Variants in DGKB observed in about 807,000 individuals in gnomAD.
DGKB encodes 90 kDa diacylglycerol kinase.
A neutral mutation model predicts 114.3 loss-of-function variants in DGKB; 67 were observed. That is an observed-to-expected ratio of 0.59 (90% CI 0.48 to 0.72). DGKB has a LOEUF of 0.72. Among genes scored for constraint, DGKB ranks in the 30% least tolerant of loss-of-function variants. The probability of loss-of-function intolerance (pLI) is 0.00; values close to 1 mark genes in which losing one functional copy is unlikely to be tolerated. For synonymous variants in DGKB, 398 were observed against 323.1 expected (o/e 1.23, Z -2.49); for missense variants, 907 against 975.2 (o/e 0.93, Z 0.93).
Position 14,764,400 on chromosome 7 carries a change from C to T in DGKB, c.71-6669G>A, listed in dbSNP as rs114831781. ...CATTTCATAAAGTTTCCCTTAGCTA[C>T]ATAGTACTTAAAAGTAGTGAAATAG... is the stretch of plus-strand genomic sequence containing the variant. On this transcript the variant is annotated intron_variant, in intron 2 of 25. Coordinates refer to ENST00000402815, the MANE Select transcript of DGKB (RefSeq NM_001350709.2). 1.8e-3 allele frequency among the ~76,000 whole-genome samples: 273 copies of T among 152,026 alleles called. 1 individual carries two copies. In the Middle Eastern group the frequency reaches 0.027, roughly 15 times the overall value.
chr7:14,750,189 C>T (rs772609151), intron 4 of DGKB: 3 of 516,706 alleles, frequency 5.8e-6, no homozygotes, highest in Non-Finnish European at 1.2e-5. Context: ...TTTCTAGCTT[C>T]AATGCACATT....
At chr7:14,284,200 G>T (rs373864864) in intron 23 of DGKB, among the ~76,000 whole-genome samples, 64 of 145,828 alleles carry the variant, frequency 4.4e-4, no homozygotes, top group South Asian at 1.3e-3. Flanking sequence ...AGTGGGCGAA[G>T]GACATGAACA....
At chr7:14,745,599 A>G (rs1363905669) in intron 4 of DGKB, among the ~76,000 whole-genome samples, 3 of 152,154 alleles carry the variant, frequency 2.0e-5, no homozygotes, top group African/African-American at 7.2e-5. Context: ...GGCTCAGACT[A>G]AGGGCCCACA....
intron 21 of DGKB, among the ~76,000 whole-genome samples, chr7:14,418,392 T>TATATATATATAC (rs1554421158): frequency 0.019 from 2,629 of 136,786 alleles, 85 homozygotes; most frequent in African/African-American, 0.07. Context: ...TATATATATA[T>TATATATATATAC]ACACACACAC....
chr7:14,904,662 T>C (rs962060126), upstream of DGKB, among the ~76,000 whole-genome samples: 28 of 152,340 alleles, frequency 1.8e-4, no homozygotes, highest in African/African-American at 6.7e-4. Context: ...TATTTTGTTT[T>C]AAAAATCATA....
chr7:14,827,093 A>G (rs1184023253), intron 2 of DGKB, among the ~76,000 whole-genome samples: 1 of 152,126 alleles, frequency 6.6e-6, no homozygotes, highest in African/African-American at 2.4e-5. Flanking sequence ...TACAAGAAGA[A>G]AGAAGGAAGG....
At chr7:14,799,199 A>C (rs1280767277) in intron 2 of DGKB, among the ~76,000 whole-genome samples, 1 of 152,194 alleles carries the variant, frequency 6.6e-6, no homozygotes, top group East Asian at 1.9e-4. Flanking sequence ...TAGAGCTGTT[A>C]ATCTGACAAA....
intron 17 of DGKB, among the ~76,000 whole-genome samples, chr7:14,584,848 C>T (rs1212001766): frequency 1.2e-4 from 18 of 151,890 alleles, no homozygotes; most frequent in African/African-American, 3.9e-4. Context: ...TTAGTAGAGA[C>T]AGGGTTTCAC....
chr7:14,318,413 T>C lies in DGKB; in HGVS notation c.2122+20102A>G, dbSNP rs1169807796. Among the ~76,000 whole-genome samples, 443 of 151,954 alleles carry C rather than the reference T, an allele frequency of 2.9e-3. 3 individuals are homozygous for C. The highest frequency in any genetic ancestry group is 9.9e-3 in the African/African-American group (409 of 41,412). Reference sequence around the variant, plus strand: ...CTGACAAAGGGCTAATATCCAGAATTTACAATGAACTCAAACAAATTTACA... The same window carrying C: ...CTGACAAAGGGCTAATATCCAGAATCTACAATGAACTCAAACAAATTTACA... On this transcript the variant is annotated intron_variant, in intron 23 of 25. Transcript: ENST00000402815.
intron 4 of DGKB, among the ~76,000 whole-genome samples, chr7:14,749,496 T>C (rs1281255776): frequency 6.6e-6 from 1 of 152,068 alleles, no homozygotes; most frequent in Non-Finnish European, 1.5e-5. Context: ...AAATAGGAAA[T>C]GGCCGAAAGA....
intron 13 of DGKB, among the ~76,000 whole-genome samples, chr7:14,661,494 AC>A (rs1209368783): frequency 6.9e-6 from 1 of 145,742 alleles, no homozygotes; most frequent in Non-Finnish European, 1.5e-5. Context: ...GCTAATCAAA[AC>A]CACAATGAGA....
intron 4 of DGKB, among the ~76,000 whole-genome samples, chr7:14,737,283 ATTTTTTTTT>A (rs11348925): frequency 1.2e-5 from 1 of 82,502 alleles, no homozygotes; most frequent in Non-Finnish European, 2.4e-5. Flanking sequence ...TTGAAGGCCA[ATTTTTTTTT>A]TTTTTTTTTT....
Position 14,552,010 on chromosome 7 carries a change from C to A in DGKB, c.1770+22202G>T, listed in dbSNP as rs140577310. 1.8e-3 allele frequency among the ~76,000 whole-genome samples: 276 copies of A among 152,064 alleles called. 1 individual carries two copies. The highest frequency in any genetic ancestry group is 6.4e-3 in the African/African-American group (267 of 41,486). On this transcript the variant is annotated intron_variant, in intron 20 of 25. Coordinates refer to ENST00000402815, the MANE Select transcript of DGKB (RefSeq NM_001350709.2). Reference sequence around the variant, plus strand: ...CATAAGGTGGTCACTAACATATGACCTAAAAATCTTTTGTATCTCTTTTTG... The same window carrying A: ...CATAAGGTGGTCACTAACATATGACATAAAAATCTTTTGTATCTCTTTTTG...
intron 19 of DGKB, 87 bp downstream of exon 19, chr7:14,580,775 G>A (rs190719432): frequency 5.6e-6 from 5 of 896,674 alleles, no homozygotes; most frequent in South Asian, 3.7e-5. Context: ...AAATCATATC[G>A]TTTTTGTTTC....
intron 20 of DGKB, among the ~76,000 whole-genome samples, chr7:14,523,065 C>T (rs1790042942): frequency 1.3e-5 from 2 of 152,110 alleles, no homozygotes. Context: ...CAGTTCATAG[C>T]TGTTGGTTAT....
chr7:14,718,487 A>T (rs554065312), intron 6 of DGKB, 55 bp downstream of exon 6: 589 of 1,510,494 alleles, frequency 3.9e-4, no homozygotes, highest in Non-Finnish European at 4.9e-4. Context: ...ATCAATATCC[A>T]GTCCTTTCTC....
intron 1 of DGKB, among the ~76,000 whole-genome samples, chr7:14,945,652 G>A (rs1158606457): frequency 1.3e-5 from 2 of 151,540 alleles, no homozygotes; most frequent in Non-Finnish European, 3.0e-5. Flanking sequence ...CAGAACACAT[G>A]CCACTAAACA....
Position 14,600,683 on chromosome 7 carries a change from C to G in DGKB, c.1433+6751G>C, listed in dbSNP as rs73289518. 6.1e-3 allele frequency among the ~76,000 whole-genome samples: 936 copies of G among 152,272 alleles called. 7 individuals carry two copies. The highest frequency in any genetic ancestry group is 0.022 in the African/African-American group (902 of 41,556). On this transcript the variant is annotated intron_variant, in intron 17 of 25. Coordinates refer to ENST00000402815, the MANE Select transcript of DGKB (RefSeq NM_001350709.2). ...AGGAAAGAAGAAAGGAGTAACAAGTCCCAAGTAAGTCCAACACCCAACAAG... is the reference window on the plus strand; with the variant it reads ...AGGAAAGAAGAAAGGAGTAACAAGTGCCAAGTAAGTCCAACACCCAACAAG...
chr7:14,557,778 G>T (rs564239888), intron 20 of DGKB, among the ~76,000 whole-genome samples: 3 of 151,030 alleles, frequency 2.0e-5, no homozygotes, highest in African/African-American at 4.8e-5. Context: ...TAATTTTTTG[G>T]TGTTACTTGG....
Sources: gnomAD v4.1 joint callset for allele counts (sites outside exome capture counted in the v4.1 genomes callset) on GRCh38, gnomAD v4.1.1 for gene constraint, MANE v1.5 for transcripts, NCBI Gene and HGNC (gene_info 2026-07-23, HGNC 2026-07-21) for gene names.